RGS17: variants seen among roughly 807,000 people sequenced by gnomAD.
RGS17 encodes regulator of G-protein signaling 17.
A neutral mutation model predicts 25.5 loss-of-function variants in RGS17; 12 were observed. The ratio of observed to expected loss-of-function variants is 0.47; its 90% CI spans 0.30 to 0.76. The LOEUF (loss-of-function observed/expected upper bound fraction) is 0.76, where lower values mean the gene tolerates loss of function less well. RGS17 is among the 30% of genes least tolerant of loss of function. RGS17 has a pLI of 0.07. For missense variants in RGS17, 196 were observed against 242.2 expected (o/e 0.81, Z 1.27); for synonymous variants, 71 against 76.9 (o/e 0.92, Z 0.40).
chr6:153,069,111 C>A (rs1776747293), intron 1 of RGS17, among the ~76,000 whole-genome samples: 1 of 152,050 alleles, frequency 6.6e-6, no homozygotes, highest in South Asian at 2.1e-4. Flanking sequence ...GGGTACATAC[C>A]CAAAAGAAAG....
Position 153,115,315 on chromosome 6 carries a change from T to C in RGS17, c.-26+15809A>G, listed in dbSNP as rs536536680. Among the ~76,000 whole-genome samples the C allele has an allele frequency of 2.7e-4, 41 of 152,210 alleles. No homozygotes were observed. The South Asian group carries it at 7.3e-3, about 27-fold the overall frequency. On this transcript the variant is annotated intron_variant, in intron 1 of 4. Coordinates refer to ENST00000206262, the MANE Select transcript of RGS17 (RefSeq NM_012419.5). ...GACAAACAGAAAGCCAAATCATGAG[T>C]GTACTCCCATTCACAATTGCTACAA...
At chr6:153,094,034 C>T (rs1057510174) in intron 1 of RGS17, among the ~76,000 whole-genome samples, 22 of 151,888 alleles carry the variant, frequency 1.4e-4, no homozygotes, top group African/African-American at 5.3e-4. Context: ...ATGGAGGAGG[C>T]TTTCCATATG....
At chr6:153,119,963 C>G (rs1777602720) in intron 1 of RGS17, among the ~76,000 whole-genome samples, 1 of 152,228 alleles carries the variant, frequency 6.6e-6, no homozygotes, top group Non-Finnish European at 1.5e-5. Flanking sequence ...AGGGAAACCA[C>G]TGTCTTCCAG....
chr6:153,039,829 G>T (rs191468355), intron 2 of RGS17, among the ~76,000 whole-genome samples: 1 of 152,296 alleles, frequency 6.6e-6, no homozygotes, highest in Middle Eastern at 3.4e-3. Flanking sequence ...TCACATGTGA[G>T]CATCTGAACA....
At chr6:153,075,159 C>G (rs1400691034) in intron 1 of RGS17, among the ~76,000 whole-genome samples, 1 of 152,050 alleles carries the variant, frequency 6.6e-6, no homozygotes, top group African/African-American at 2.4e-5. Context: ...TTTAAGTAAA[C>G]TGAAACTTTT....
rs151215161 is a variant in RGS17, at chr6:153,024,447, T to C, written c.259A>G (p.Lys87Glu). ...CTTCCTGCTGGGGCCTTCATCATCT[T>C]GTCAAAATTTTGAGACCAGGACAAG... ...EVLSWSQNFD[K>E]MMKAPAGRNL... Residue 87 changes from lysine (K) to glutamate (E), a missense_variant, in exon 4 of 5, where the codon AAG (lysine) becomes GAG (glutamate). This residue lies in a region of RGS17 where 179 missense variants were observed against 197.6 expected (regional missense o/e 0.91). Transcript: ENST00000206262. The C allele has an allele frequency of 4.1e-4, 667 of 1,614,204 alleles. 1 individual carries two copies. Among genetic ancestry groups the C allele is most frequent in the Non-Finnish European group, 5.2e-4 (617 of 1,180,006 alleles).
chr6:153,025,047 T>C (rs751267090), intron 3 of RGS17, among the ~76,000 whole-genome samples: 2 of 152,140 alleles, frequency 1.3e-5, no homozygotes, highest in Non-Finnish European at 2.9e-5. Context: ...TGGTGGTTCA[T>C]GCCTATAATC....
chr6:153,088,233 A>T (rs595832), intron 1 of RGS17, among the ~76,000 whole-genome samples: 75,615 of 152,002 alleles, frequency 0.5, 19,452 homozygotes, highest in Non-Finnish European at 0.56. Flanking sequence ...GCTTTGTGAG[A>T]TGTTCTAAGC....
intron 1 of RGS17, among the ~76,000 whole-genome samples, chr6:153,117,581 T>C (rs531741601): frequency 7.2e-5 from 11 of 152,234 alleles, no homozygotes; most frequent in Non-Finnish European, 1.5e-4. Context: ...TTAATATTAG[T>C]ACTCCTGCAC....
intron 2 of RGS17, among the ~76,000 whole-genome samples, chr6:153,042,528 C>T (rs1383360850): frequency 6.6e-6 from 1 of 152,198 alleles, no homozygotes; most frequent in Non-Finnish European, 1.5e-5. Context: ...TGTGAGGCCT[C>T]CCCAGCCCTG....
intron 1 of RGS17, among the ~76,000 whole-genome samples, chr6:153,118,602 A>C (rs567732669): frequency 3.9e-5 from 6 of 152,194 alleles, no homozygotes; most frequent in East Asian, 1.9e-4. Context: ...TTTGTGGTAC[A>C]TTCACTATTT....
intron 1 of RGS17, among the ~76,000 whole-genome samples, chr6:153,093,431 G>C (rs1451130516): frequency 6.6e-6 from 1 of 152,146 alleles, no homozygotes; most frequent in Non-Finnish European, 1.5e-5. Flanking sequence ...CTATAGTCTT[G>C]GTTTGGTTCA....
intron 1 of RGS17, among the ~76,000 whole-genome samples, chr6:153,058,333 A>G (rs1041749212): frequency 5.3e-5 from 8 of 152,170 alleles, no homozygotes; most frequent in Non-Finnish European, 4.4e-5. Flanking sequence ...AAGTTTTTGT[A>G]TCCATTGGCT....
intron 2 of RGS17, among the ~76,000 whole-genome samples, chr6:153,037,408 A>T (rs191516099): frequency 1.3e-5 from 2 of 152,022 alleles, no homozygotes; most frequent in African/African-American, 4.8e-5. Flanking sequence ...CAAATAATGT[A>T]AGCCAAAATA....
At chr6:153,042,828 A>G (rs481251) in intron 2 of RGS17, among the ~76,000 whole-genome samples, 135,521 of 152,226 alleles carry the variant, frequency 0.89, 60,558 homozygotes, top group African/African-American at 0.97. Flanking sequence ...ATGATACAAC[A>G]TTTTGTCATA....
Position 153,006,766 on chromosome 6 carries a change from C to T in RGS17, c.*4808G>A, listed in dbSNP as rs541407353. On this transcript the variant is annotated 3_prime_UTR_variant, in exon 5 of 5. Transcript: ENST00000206262. ...TGTTTTATTTAATGCTCATAGTTATCCTGATAATTACGTATTTTATTTGTC... is the reference window on the plus strand; with the variant it reads ...TGTTTTATTTAATGCTCATAGTTATTCTGATAATTACGTATTTTATTTGTC... 1 of 152,158 alleles carries T rather than the reference C, an allele frequency of 6.6e-6. No homozygotes were observed. Among genetic ancestry groups the T allele is most frequent in the East Asian group, 1.9e-4 (1 of 5,184 alleles). 9.4% of individuals were successfully genotyped at this position (152,158 alleles called of 1,614,324 possible). A position where few individuals can be genotyped will look rare whatever the true frequency, so the allele number is the denominator to read the frequency against.
At chr6:153,077,487 T>C (rs1404637665) in intron 1 of RGS17, among the ~76,000 whole-genome samples, 1 of 152,222 alleles carries the variant, frequency 6.6e-6, no homozygotes, top group Non-Finnish European at 1.5e-5. Flanking sequence ...TTTGATAATA[T>C]ATACTGAAGT....
At chr6:153,021,233 G>T (rs1476617864) in intron 4 of RGS17, among the ~76,000 whole-genome samples, 1 of 152,218 alleles carries the variant, frequency 6.6e-6, no homozygotes, top group Non-Finnish European at 1.5e-5. Context: ...CTGTGCACCT[G>T]AATATTAGTC....
At chr6:153,064,627 C>T (rs1776682521) in intron 1 of RGS17, among the ~76,000 whole-genome samples, 2 of 137,998 alleles carry the variant, frequency 1.4e-5, no homozygotes, top group South Asian at 4.3e-4. Context: ...AAGACTACAT[C>T]TCAAAAAAAA....
Sources: gnomAD v4.1 joint callset for allele counts (sites outside exome capture counted in the v4.1 genomes callset) on GRCh38, gnomAD v4.1.1 for gene constraint, gnomAD v4.1.1 regional missense constraint, MANE v1.5 for transcripts, NCBI Gene and HGNC (gene_info 2026-07-23, HGNC 2026-07-21) for gene names.